Variants in ARL15 observed in about 807,000 individuals in gnomAD.
ARL15 encodes ADP-ribosylation factor-like protein 15.
ARL15 carries 19 observed loss-of-function variants against 25.2 expected under a neutral mutation model. That is an observed-to-expected ratio of 0.75 (90% CI 0.53 to 1.10). ARL15 has a LOEUF of 1.10. Among genes scored for constraint, ARL15 ranks in the 50% least tolerant of loss-of-function variants. The pLI, the probability that ARL15 is intolerant of heterozygous loss-of-function variation, is 0.00. For synonymous variants in ARL15, 94 were observed against 86.8 expected, an observed-to-expected ratio of 1.08 and a Z score of -0.46; for missense variants, 220 against 246.0, an observed-to-expected ratio of 0.89 and a Z score of 0.71.
At chr5:54,078,558 G>T (rs1488876774) in intron 4 of ARL15, among the ~76,000 whole-genome samples, 2 of 152,176 alleles carry the variant, frequency 1.3e-5, no homozygotes, top group African/African-American at 4.8e-5. Flanking sequence ...ATTGGCCCAT[G>T]GCAAATATTC....
At chr5:54,107,531 T>C (rs1752626454) in intron 4 of ARL15, among the ~76,000 whole-genome samples, 1 of 151,818 alleles carries the variant, frequency 6.6e-6, no homozygotes, top group Non-Finnish European at 1.5e-5. Flanking sequence ...TGTTGAAAAA[T>C]AGTGAGAAAA....
At chr5:54,125,166 T>G (rs1753209328) in intron 3 of ARL15, among the ~76,000 whole-genome samples, 1 of 151,092 alleles carries the variant, frequency 6.6e-6, no homozygotes, top group African/African-American at 2.4e-5. Context: ...CCTGAGTAGC[T>G]GGGATTACAG....
chr5:54,249,277 T>C (rs1441565915), intron 1 of ARL15, among the ~76,000 whole-genome samples: 2 of 152,136 alleles, frequency 1.3e-5, no homozygotes, highest in Non-Finnish European at 2.9e-5. Flanking sequence ...CCAGTTGCAG[T>C]TGGCTAAAAA....
At chr5:54,246,797 T>TACACAC (rs61025147) in intron 1 of ARL15, among the ~76,000 whole-genome samples, 1,440 of 139,022 alleles carry the variant, frequency 0.01, 18 homozygotes, top group East Asian at 0.016. Flanking sequence ...AAAGCATGCA[T>TACACAC]ACACACACAC....
At chr5:54,155,703 C>T (rs1754209532) in intron 2 of ARL15, among the ~76,000 whole-genome samples, 1 of 151,438 alleles carries the variant, frequency 6.6e-6, no homozygotes, top group Non-Finnish European at 1.5e-5. Context: ...CACACACACA[C>T]GCACACACAC....
At chr5:54,147,704 A>G (rs1753951536) in intron 3 of ARL15, among the ~76,000 whole-genome samples, 1 of 152,178 alleles carries the variant, frequency 6.6e-6, no homozygotes, top group Non-Finnish European at 1.5e-5. Context: ...ATGTCTGGAA[A>G]TGTCTAAAAC....
At chr5:53,917,094 G>T (rs1745676142) in intron 4 of ARL15, among the ~76,000 whole-genome samples, 1 of 152,136 alleles carries the variant, frequency 6.6e-6, no homozygotes, top group African/African-American at 2.4e-5. Context: ...CTTGGAAAAG[G>T]ACCAGCCATT....
chr5:54,099,446 A>G (rs1051985918), intron 4 of ARL15, among the ~76,000 whole-genome samples: 3 of 152,192 alleles, frequency 2.0e-5, no homozygotes, highest in Admixed American at 2.0e-4. Flanking sequence ...AAATAAGTTA[A>G]CTGCTTATAA....
At chr5:53,896,285 C>T (rs181866671) in intron 4 of ARL15, among the ~76,000 whole-genome samples, 8 of 152,236 alleles carry the variant, frequency 5.3e-5, no homozygotes, top group Admixed American at 3.9e-4. Flanking sequence ...CTGCCTGCCT[C>T]GGCCTCCCAA....
chr5:54,101,389 A>G (rs1752434094), intron 4 of ARL15, among the ~76,000 whole-genome samples: 1 of 152,120 alleles, frequency 6.6e-6, no homozygotes, highest in Non-Finnish European at 1.5e-5. Flanking sequence ...AAAATTACAG[A>G]TTCATATTGA....
At chr5:53,925,601 G>A (rs915970503) in intron 4 of ARL15, among the ~76,000 whole-genome samples, 5 of 152,134 alleles carry the variant, frequency 3.3e-5, no homozygotes, top group African/African-American at 7.2e-5. Flanking sequence ...TCAGGAGTTC[G>A]AGACCTGCCT....
At chr5:53,986,374 A>C (rs969048561) in intron 4 of ARL15, among the ~76,000 whole-genome samples, 1 of 152,174 alleles carries the variant, frequency 6.6e-6, no homozygotes, top group Non-Finnish European at 1.5e-5. Context: ...TTCAATTTTG[A>C]CCATCTTTTG....
At chr5:54,246,805 C>T (rs969469612) in intron 1 of ARL15, among the ~76,000 whole-genome samples, 8 of 41,692 alleles carry the variant, frequency 1.9e-4, no homozygotes, top group African/African-American at 4.4e-4. Flanking sequence ...CATACACACA[C>T]ACACACACAC....
At chr5:53,890,634 G>A (rs1744680022) in intron 4 of ARL15, among the ~76,000 whole-genome samples, 1 of 152,148 alleles carries the variant, frequency 6.6e-6, no homozygotes, top group Non-Finnish European at 1.5e-5. Flanking sequence ...GCATTTATTA[G>A]TAGCCATGTG....
chr5:54,084,337 G>A (rs557129745), intron 4 of ARL15, among the ~76,000 whole-genome samples: 2 of 151,276 alleles, frequency 1.3e-5, no homozygotes, highest in East Asian at 3.9e-4. Context: ...ACTATTCTTG[G>A]GCTCATCTAG....
At chr5:54,308,897 A>C (rs1314813990) in intron 1 of ARL15, among the ~76,000 whole-genome samples, 9 of 152,248 alleles carry the variant, frequency 5.9e-5, no homozygotes, top group Admixed American at 6.5e-5. Flanking sequence ...AGCTTTTAGT[A>C]GTACAGGCAA....
chr5:54,304,702 A>C (rs569463260), intron 1 of ARL15, among the ~76,000 whole-genome samples: 20 of 152,362 alleles, frequency 1.3e-4, no homozygotes, highest in African/African-American at 4.8e-4. Flanking sequence ...ATAAATTATT[A>C]AGAAAGGAAT....
chr5:54,112,345 T>TA (rs1752766894), intron 4 of ARL15, among the ~76,000 whole-genome samples: 1 of 152,310 alleles, frequency 6.6e-6, no homozygotes. Flanking sequence ...TAGAACATGT[T>TA]ATGTCCTTGG....
At chr5:54,069,062 C>A (rs61477070) in intron 4 of ARL15, among the ~76,000 whole-genome samples, 2 of 151,880 alleles carry the variant, frequency 1.3e-5, no homozygotes, top group Non-Finnish European at 2.9e-5. Context: ...TTCTTCAATG[C>A]GACATTCTAA....
Sources: gnomAD v4.1 joint callset for allele counts (sites outside exome capture counted in the v4.1 genomes callset) on GRCh38, gnomAD v4.1.1 for gene constraint, MANE v1.5 for transcripts, NCBI Gene and HGNC (gene_info 2026-07-23, HGNC 2026-07-21) for gene names.